Variants in SLC7A5 observed in about 807,000 individuals in gnomAD.
SLC7A5 encodes large neutral amino acids transporter small subunit 1.
Under a neutral mutation model 50.2 loss-of-function variants are expected in SLC7A5, and 23 were observed. The observed-to-expected ratio is 0.46, with a 90% CI of 0.33 to 0.65. SLC7A5 has a LOEUF of 0.65. Among genes scored for constraint, SLC7A5 ranks in the 30% least tolerant of loss-of-function variants. SLC7A5 has a pLI of 0.02. For missense variants in SLC7A5, 578 were observed against 684.4 expected, an observed-to-expected ratio of 0.84 and a Z score of 1.73; for synonymous variants, 393 against 330.6, an observed-to-expected ratio of 1.19 and a Z score of -2.05.
rs2055395511 is a variant in SLC7A5, at chr16:87,861,336, C to G, written c.538+7549G>C. On this transcript the variant is annotated intron_variant, in intron 1 of 9. Coordinates refer to ENST00000261622, the MANE Select transcript of SLC7A5 (RefSeq NM_003486.7). This position sits in a 1 kb window ranked among gnomAD's most constrained non-coding sequence, Gnocchi z 4.2. ...GCCTCTGACCCACCTGTGTCCTTACCTGGGCCGACTGGGCCACCCAGTCTT... is the reference window on the plus strand; with the variant it reads ...GCCTCTGACCCACCTGTGTCCTTACGTGGGCCGACTGGGCCACCCAGTCTT... Among the ~76,000 whole-genome samples, 1 of 152,144 alleles carries G rather than the reference C, an allele frequency of 6.6e-6. No homozygotes were observed. The highest frequency in any genetic ancestry group is 1.5e-5 in the Non-Finnish European group (1 of 68,006).
intron 2 of SLC7A5, among the ~76,000 whole-genome samples, chr16:87,844,467 G>A (rs960950855): frequency 6.6e-6 from 1 of 152,192 alleles, no homozygotes. Context: ...GGGAGACTCC[G>A]CCGGTGGCTA....
chr16:87,864,691 C>A (rs2055439811), intron 1 of SLC7A5, among the ~76,000 whole-genome samples: 3 of 152,232 alleles, frequency 2.0e-5, no homozygotes, highest in Admixed American at 2.0e-4. Flanking sequence ...CGCTTATAGG[C>A]TCCCTGCTGA....
chr16:87,864,145 A>T (rs1471985756), intron 1 of SLC7A5, among the ~76,000 whole-genome samples: 1 of 150,808 alleles, frequency 6.6e-6, no homozygotes, highest in Non-Finnish European at 1.5e-5. Flanking sequence ...ATACAAAATC[A>T]GCCAGGCATG....
rs1567489340 is a variant in SLC7A5, at chr16:87,838,835, G to C, written c.940-18C>G. On this transcript the variant is annotated intron_variant, in intron 5 of 9. Coordinates refer to ENST00000261622, the MANE Select transcript of SLC7A5 (RefSeq NM_003486.7). Reference sequence around the variant, plus strand: ...CCGAAGTCCTAGGCAGGCACAACCAGTGAGCTGGGCCCCACCGGGCCGGCC... The same window carrying C: ...CCGAAGTCCTAGGCAGGCACAACCACTGAGCTGGGCCCCACCGGGCCGGCC... 1 of 1,599,132 alleles carries C rather than the reference G, an allele frequency of 6.3e-7. No individual in the cohort carries two copies. Among genetic ancestry groups the C allele is most frequent in the Non-Finnish European group, 8.6e-7 (1 of 1,166,710 alleles).
At chr16:87,858,308 G>C (rs148405692) in intron 1 of SLC7A5, among the ~76,000 whole-genome samples, 5 of 152,136 alleles carry the variant, frequency 3.3e-5, no homozygotes, top group Admixed American at 6.6e-5. Context: ...CCATTAATCT[G>C]ACCAGTCACC....
rs1180175762 is a variant in SLC7A5 at position 87,851,852 on chromosome 16, G to A, written c.539-3C>T. 6.2e-7 allele frequency: 1 copy of A among 1,612,834 alleles called. No homozygotes were observed. Among genetic ancestry groups the A allele is most frequent in the Admixed American group, 1.7e-5 (1 of 60,006 alleles). On this transcript the variant is annotated splice_region_variant and splice_polypyrimidine_tract_variant and intron_variant, in intron 1 of 9. Coordinates refer to ENST00000261622, the MANE Select transcript of SLC7A5 (RefSeq NM_003486.7). ...GCAGTTCACGGCCGTGAGCAGCACT[G>A]TGGAGACAGAGGGCAGCGGTGAGTT... is the stretch of plus-strand genomic sequence containing the variant.
chr16:87,855,304 G>C (rs919025556), intron 1 of SLC7A5, among the ~76,000 whole-genome samples: 1 of 152,100 alleles, frequency 6.6e-6, no homozygotes, highest in Admixed American at 6.5e-5. Flanking sequence ...CTGGGGTGGG[G>C]CCGGCAGTGA....
chr16:87,848,637 G>A (rs1412330310), intron 2 of SLC7A5, among the ~76,000 whole-genome samples: 5 of 152,100 alleles, frequency 3.3e-5, no homozygotes, highest in African/African-American at 9.7e-5. Context: ...CTGCAGAGTC[G>A]CCCCTGTCAC....
chr16:87,851,882 G>T (rs375439371), intron 1 of SLC7A5, 33 bp from the exon 2 acceptor site: 2 of 1,611,800 alleles, frequency 1.2e-6, no homozygotes, highest in African/African-American at 1.3e-5. Flanking sequence ...TGAGTTCCAC[G>T]GGCAGACAGA....
At chr16:87,842,632 G>A (rs527455330) in intron 2 of SLC7A5, among the ~76,000 whole-genome samples, 17 of 152,318 alleles carry the variant, frequency 1.1e-4, no homozygotes, top group East Asian at 5.8e-4. Flanking sequence ...CAGATGCCAG[G>A]TGTGCTGGGG....
At chr16:87,844,199 AG>A (rs1418188060) in intron 2 of SLC7A5, among the ~76,000 whole-genome samples, 3 of 151,474 alleles carry the variant, frequency 2.0e-5, no homozygotes, top group African/African-American at 7.4e-5. Context: ...TGTCCCTAAG[AG>A]GCATCTTCCT....
At chr16:87,854,716 G>C (rs117322866) in intron 1 of SLC7A5, among the ~76,000 whole-genome samples, 19 of 152,256 alleles carry the variant, frequency 1.2e-4, no homozygotes, top group Non-Finnish European at 2.1e-4. Context: ...ACCCCGTGGC[G>C]TGGCTTGGCT....
chr16:87,864,609 G>T (rs1474395609), intron 1 of SLC7A5, among the ~76,000 whole-genome samples: 1 of 152,200 alleles, frequency 6.6e-6, no homozygotes, highest in Admixed American at 6.5e-5. Context: ...GCAGACCCCT[G>T]ACCCGGTGAC....
At chr16:87,865,481 G>A (rs2055448864) in intron 1 of SLC7A5, among the ~76,000 whole-genome samples, 2 of 151,842 alleles carry the variant, frequency 1.3e-5, no homozygotes, top group Non-Finnish European at 1.5e-5. Context: ...GGCAGAGGCG[G>A]GTGGATCACC....
rs56199054 is a variant in SLC7A5, at chr16:87,842,870, C to CCAAGACGCCT, written c.665-1716_665-1715insAGGCGTCTTG. Among the ~76,000 whole-genome samples, 8 of 21,178 alleles carry CCAAGACGCCT rather than the reference C, an allele frequency of 3.8e-4. No homozygotes were observed. The African/African-American group carries it at 6.3e-3, about 17-fold the overall frequency. 13.9% of individuals were successfully genotyped at this position (21,178 alleles called of 152,430 possible). ...CAGGGCACTTTGCACAGCACCTCGG[C>CCAAGACGCCT]ACAGCCCCTCTGGCCTCTCTCCCAT... On this transcript the variant is annotated intron_variant, in intron 2 of 9. Transcript: ENST00000261622.
chr16:87,852,237 C>T lies in SLC7A5; in HGVS notation c.539-388G>A, dbSNP rs1353292393. ...AGGCGCCCATTACACCTTTTTGTAC[C>T]TACTCAGCACCCTGACCTGACTGTG... On this transcript the variant is annotated intron_variant, in intron 1 of 9. Transcript: ENST00000261622. This position sits in a 1 kb window ranked among gnomAD's most constrained non-coding sequence, Gnocchi z 4.5. Among the ~76,000 whole-genome samples, 1 of 152,162 alleles carries T rather than the reference C, an allele frequency of 6.6e-6. No homozygotes were observed. The highest frequency in any genetic ancestry group is 2.4e-5 in the African/African-American group (1 of 41,442).
At chr16:87,867,379 C>A (rs1349283542) in intron 1 of SLC7A5, among the ~76,000 whole-genome samples, 1 of 152,218 alleles carries the variant, frequency 6.6e-6, no homozygotes, top group Non-Finnish European at 1.5e-5. Flanking sequence ...ACATTCACAT[C>A]TCCAACGCCC....
intron 7 of SLC7A5, chr16:87,836,852 G>C (rs1443279251): frequency 1.8e-6 from 1 of 570,610 alleles, no homozygotes; most frequent in African/African-American, 1.9e-5. Context: ...GGAGGGAAGA[G>C]GCGGGGAGGA....
At chr16:87,855,564 C>T (rs2055306410) in intron 1 of SLC7A5, among the ~76,000 whole-genome samples, 1 of 152,084 alleles carries the variant, frequency 6.6e-6, no homozygotes, top group African/African-American at 2.4e-5. Context: ...TGAGGTGCCT[C>T]CCTGCCTGAT....
Sources: allele counts gnomAD v4.1 joint callset (sites outside exome capture counted in the v4.1 genomes callset), GRCh38; gene constraint gnomAD v4.1.1; non-coding constraint Gnocchi (gnomAD v3.1); transcripts MANE v1.5; gene names NCBI Gene and HGNC (gene_info 2026-07-23, HGNC 2026-07-21).